The following DPP6 variants were observed in gnomAD, a reference collection of about 807,000 sequenced individuals.
DPP6 encodes the protein A-type potassium channel modulatory protein DPP6.
A neutral mutation model predicts 122.6 loss-of-function variants in DPP6; 69 were observed. The observed-to-expected ratio is 0.56, with a 90% CI of 0.46 to 0.69. The LOEUF (loss-of-function observed/expected upper bound fraction) is 0.69, where lower values mean the gene tolerates loss of function less well. DPP6 is among the 30% of genes least tolerant of loss of function. The probability of loss-of-function intolerance (pLI) is 0.00; values close to 1 mark genes in which losing one functional copy is unlikely to be tolerated. For synonymous variants in DPP6, 418 were observed against 433.1 expected (o/e 0.97, Z 0.43); for missense variants, 928 against 1,116.9 (o/e 0.83, Z 2.41).
chr7:154,392,839 G>T (rs550456987), intron 1 of DPP6, among the ~76,000 whole-genome samples: 6 of 152,154 alleles, frequency 3.9e-5, no homozygotes, highest in African/African-American at 7.2e-5. Context: ...AAGGCAGGGG[G>T]CCCTCCCCAA....
intron 8 of DPP6, among the ~76,000 whole-genome samples, chr7:154,764,843 A>G (rs894198719): frequency 2.6e-5 from 4 of 152,118 alleles, no homozygotes; most frequent in Non-Finnish European, 5.9e-5. Context: ...AATAAGGTTA[A>G]TTTCCCTGAA....
intron 1 of DPP6, among the ~76,000 whole-genome samples, chr7:154,168,406 T>A (rs1256537849): frequency 6.6e-6 from 1 of 151,958 alleles, no homozygotes; most frequent in Non-Finnish European, 1.5e-5. Flanking sequence ...GCATGGAAAA[T>A]GTGAATGGAA....
At chr7:154,453,459 T>C (rs952909788) in intron 2 of DPP6, among the ~76,000 whole-genome samples, 1 of 151,916 alleles carries the variant, frequency 6.6e-6, no homozygotes, top group Non-Finnish European at 1.5e-5. Context: ...CTTATCTTTT[T>C]AAAATTCTTG....
At chr7:154,714,773 G>A (rs912401516) in intron 7 of DPP6, among the ~76,000 whole-genome samples, 2 of 152,216 alleles carry the variant, frequency 1.3e-5, no homozygotes, top group Non-Finnish European at 2.9e-5. Flanking sequence ...AACCTTGAGT[G>A]TATAAGCCAT....
chr7:153,880,262 ACT>A, the DPP6 span, among the ~76,000 whole-genome samples: 2 of 152,178 alleles, frequency 1.3e-5, no homozygotes, highest in South Asian at 2.1e-4. Flanking sequence ...TCTATAAAAG[ACT>A]CTACAAGAAC....
In DPP6 at chr7:153,896,285, ACGTTT is replaced by A. The variant is rs571856090; in HGVS notation, c.51+8553_51+8557del. Reference sequence around the variant, plus strand: ...GAGCAAACTGGACTAACAGTCTCATACGTTTCATTACATTAATCTAAAAAATGGTA... The same window carrying A: ...GAGCAAACTGGACTAACAGTCTCATACATTACATTAATCTAAAAAATGGTA... On this transcript the variant is annotated intron_variant, in intron 1 of 25. Transcript: ENST00000404039. Among the ~76,000 whole-genome samples, 943 of 152,310 alleles carry A rather than the reference ACGTTT, an allele frequency of 6.2e-3. 8 individuals carry two copies. Among genetic ancestry groups the A allele is most frequent in the African/African-American group, 0.022 (899 of 41,580 alleles).
chr7:154,023,623 A>T (rs1798825137), intron 1 of DPP6, among the ~76,000 whole-genome samples: 1 of 151,694 alleles, frequency 6.6e-6, no homozygotes, highest in Non-Finnish European at 1.5e-5. Flanking sequence ...CTGGAATTAC[A>T]GGTGCCTACC....
At chr7:154,207,993 T>G (rs1799540932) in intron 1 of DPP6, among the ~76,000 whole-genome samples, 1 of 152,210 alleles carries the variant, frequency 6.6e-6, no homozygotes, top group Admixed American at 6.5e-5. Context: ...ATTCCCGTTT[T>G]TTACATGTAA....
intron 5 of DPP6, among the ~76,000 whole-genome samples, chr7:154,595,878 G>T (rs1432597527): frequency 1.3e-5 from 2 of 152,126 alleles, no homozygotes; most frequent in Non-Finnish European, 2.9e-5. Flanking sequence ...GGCCAACATG[G>T]TGAAACCCTG....
At chr7:154,300,940 G>T (rs1170575558) in intron 1 of DPP6, among the ~76,000 whole-genome samples, 1 of 152,138 alleles carries the variant, frequency 6.6e-6, no homozygotes, top group African/African-American at 2.4e-5. Flanking sequence ...CTATGGGTGG[G>T]CCCTAATTTA....
At chr7:153,904,550 T>A (rs1186457203) in intron 1 of DPP6, among the ~76,000 whole-genome samples, 5 of 152,210 alleles carry the variant, frequency 3.3e-5, no homozygotes, top group Admixed American at 1.3e-4. Context: ...ACTTTGAATC[T>A]CACTTACCCT....
intron 3 of DPP6, among the ~76,000 whole-genome samples, chr7:154,522,604 T>A (rs896702279): frequency 6.6e-6 from 1 of 152,178 alleles, no homozygotes; most frequent in Non-Finnish European, 1.5e-5. Context: ...AACTTGCTCT[T>A]TTGAAAGAAA....
At chr7:154,331,356 G>A (rs1326064239) in intron 1 of DPP6, among the ~76,000 whole-genome samples, 1 of 152,200 alleles carries the variant, frequency 6.6e-6, no homozygotes, top group African/African-American at 2.4e-5. Context: ...TGGTACAAAA[G>A]GTCTCTGCCG....
At chr7:154,779,077 C>T (rs111219414) in intron 10 of DPP6, among the ~76,000 whole-genome samples, 44 of 1,214 alleles carry the variant, frequency 0.036, no homozygotes, top group Non-Finnish European at 0.045. Context: ...TCACCTCCAT[C>T]ACCTCCACAA....
rs35188883 is a variant in DPP6, at chr7:154,813,877, C to CTTTTTTTT, written c.1666+6778_1666+6785dup. On this transcript the variant is annotated intron_variant, in intron 16 of 25. Coordinates refer to ENST00000377770, the MANE Select transcript of DPP6 (RefSeq NM_130797.4). The stretch of plus-strand genomic sequence containing the variant: ...TCTTTACAATTTGAAAAGCACATTT[C>CTTTTTTTT]TTTTTTTTTTTTTTTTTTTTGAGAT... 6.4e-4 allele frequency among the ~76,000 whole-genome samples: 60 copies of CTTTTTTTT among 94,412 alleles called. 2 individuals are homozygous for CTTTTTTTT. Among genetic ancestry groups the CTTTTTTTT allele is most frequent in the Non-Finnish European group, 9.1e-4 (47 of 51,380 alleles). The allele number at this position is 94,412 out of a possible 152,430, so 61.9% of individuals were successfully genotyped here.
chr7:154,630,561 A>T (rs1239962785), intron 5 of DPP6, among the ~76,000 whole-genome samples: 2 of 152,196 alleles, frequency 1.3e-5, no homozygotes, highest in African/African-American at 4.8e-5. Flanking sequence ...AGTGATGATG[A>T]GCTTTTTTTC....
chr7:154,531,385 G>A (rs1586556533), intron 3 of DPP6, among the ~76,000 whole-genome samples: 2 of 151,886 alleles, frequency 1.3e-5, no homozygotes, highest in East Asian at 3.9e-4. Flanking sequence ...AATGCTGAAA[G>A]GCAAAAAACA....
At chr7:154,767,917 G>A (rs1185948762) in intron 8 of DPP6, among the ~76,000 whole-genome samples, 1 of 152,316 alleles carries the variant, frequency 6.6e-6, no homozygotes, top group East Asian at 1.9e-4. Flanking sequence ...TCTGACCAAG[G>A]CAAGATGAGG....
chr7:153,754,396 G>A, the DPP6 span, among the ~76,000 whole-genome samples: 1 of 152,086 alleles, frequency 6.6e-6, no homozygotes, highest in Non-Finnish European at 1.5e-5. Context: ...TCTAGAATGA[G>A]TTTTTTCTAC....
Sources: gnomAD v4.1 joint callset for allele counts (sites outside exome capture counted in the v4.1 genomes callset) on GRCh38, gnomAD v4.1.1 for gene constraint, MANE v1.5 for transcripts, NCBI Gene and HGNC (gene_info 2026-07-23, HGNC 2026-07-21) for gene names.